The following RAPGEF1 variants were observed in gnomAD, a reference collection of about 807,000 sequenced individuals.
RAPGEF1 encodes Rap guanine nucleotide exchange factor 1, also known as CRK SH3-binding GNRP.
In RAPGEF1, 33 loss-of-function variants were observed where a neutral mutation model predicts 143.3. The observed-to-expected ratio is 0.23, with a 90% CI of 0.17 to 0.31. RAPGEF1 has a LOEUF of 0.31. RAPGEF1 is among the 10% of genes least tolerant of loss of function. The pLI is 1.00. For synonymous variants in RAPGEF1, 629 were observed against 676.5 expected, an observed-to-expected ratio of 0.93 and a Z score of 1.09; for missense variants, 1,199 against 1,645.4, an observed-to-expected ratio of 0.73 and a Z score of 4.69.
chr9:131,651,025 A>G, intron 1 of RAPGEF1, 76 bp from the exon 2 acceptor site: 3 of 1,519,630 alleles, frequency 2.0e-6, no homozygotes, highest in Non-Finnish European at 2.7e-6. Flanking sequence ...TGTGGAAATG[A>G]GCAATGTCCC....
Position 131,576,784 on chromosome 9 carries a change from T to C in RAPGEF1, c.*2713A>G, listed in dbSNP as rs921426684. 2.6e-5 allele frequency: 4 copies of C among 152,200 alleles called. No homozygotes were observed. The highest frequency in any genetic ancestry group is 5.9e-5 in the Non-Finnish European group (4 of 68,024). 9.4% of individuals were successfully genotyped at this position (152,200 alleles called of 1,614,324 possible). On this transcript the variant is annotated 3_prime_UTR_variant, in exon 27 of 27. Transcript: ENST00000683357. ...GGGCGCGGACATGGCATTGGGCAGCTTTCATCTGTGTTTATTTTTTTTCAT... is the reference window on the plus strand; with the variant it reads ...GGGCGCGGACATGGCATTGGGCAGCCTTCATCTGTGTTTATTTTTTTTCAT...
intron 26 of RAPGEF1, 114 bp from the exon 27 acceptor site, chr9:131,579,761 G>A (rs1951573090): frequency 3.6e-5 from 41 of 1,131,876 alleles, no homozygotes; most frequent in Non-Finnish European, 4.9e-5. Context: ...CGCAGCAAAC[G>A]GATGCTGCAG....
intron 1 of RAPGEF1, among the ~76,000 whole-genome samples, chr9:131,657,970 G>GTGTA (rs1223438799): frequency 2.6e-5 from 4 of 152,220 alleles, no homozygotes; most frequent in Admixed American, 6.5e-5. Flanking sequence ...GCATGCTGGG[G>GTGTA]TGTATCAGTG....
At chr9:131,725,595 A>C (rs1836602638) in intron 1 of RAPGEF1, 2 of 152,294 alleles carry the variant, frequency 1.3e-5, no homozygotes, top group Non-Finnish European at 2.9e-5. Context: ...AGTAGCTGGG[A>C]CTACAGGCAC....
intron 18 of RAPGEF1, among the ~76,000 whole-genome samples, chr9:131,591,240 G>A (rs1361497340): frequency 6.6e-6 from 1 of 152,252 alleles, no homozygotes. Flanking sequence ...GAGGCCAGGA[G>A]GTCTGCAGGA....
intron 1 of RAPGEF1, among the ~76,000 whole-genome samples, chr9:131,679,174 G>A (rs767699027): frequency 1.3e-5 from 2 of 148,330 alleles, no homozygotes; most frequent in East Asian, 2.1e-4. Context: ...CAAGGGGGGG[G>A]CCACAAGCAG....
intron 10 of RAPGEF1, among the ~76,000 whole-genome samples, chr9:131,623,876 G>A (rs1380381623): frequency 6.6e-6 from 1 of 152,214 alleles, no homozygotes; most frequent in Non-Finnish European, 1.5e-5. Context: ...ACGCGGCCAG[G>A]GTGATGATTC....
chr9:131,662,407 G>T (rs1294958880), intron 1 of RAPGEF1, among the ~76,000 whole-genome samples: 1 of 152,086 alleles, frequency 6.6e-6, no homozygotes, highest in African/African-American at 2.4e-5. Context: ...TTGAGACAGG[G>T]TCTTGCTCTG....
Position 131,739,779 on chromosome 9 carries a change from C to T in RAPGEF1, c.52G>A (p.Glu18Lys). ...RRSPEMSGKIEKADSQRSHLS... is the reference protein window; with the variant it reads ...RRSPEMSGKIKKADSQRSHLS... ...CACGCCCGCGCCTCACCTGCTTTCT[C>T]GATCTTGCCGGACATTTCCGGGCTG... Residue 18 changes from glutamate to lysine, a missense_variant, in exon 1 of 27, where the codon GAG becomes AAG. Transcript: ENST00000683357. The T allele has an allele frequency of 1.7e-6, 2 of 1,174,544 alleles. No homozygotes were observed. Among genetic ancestry groups the T allele is most frequent in the Non-Finnish European group, 1.1e-6 (1 of 932,568 alleles). 72.8% of individuals were successfully genotyped at this position (1,174,544 alleles called of 1,614,324 possible).
At chr9:131,712,084 T>A (rs934793627) in intron 1 of RAPGEF1, among the ~76,000 whole-genome samples, 1 of 152,124 alleles carries the variant, frequency 6.6e-6, no homozygotes, top group South Asian at 2.1e-4. Context: ...GCAAAGCAAA[T>A]GGCATGTGTC....
chr9:131,604,081 C>A (rs932675121), intron 13 of RAPGEF1, 28 bp from the exon 14 acceptor site: 2 of 1,284,036 alleles, frequency 1.6e-6, no homozygotes, highest in African/African-American at 3.0e-5. Context: ...AGAGGAAAGA[C>A]ACATGGGCCA....
chr9:131,724,348 C>A (rs1230237169), intron 1 of RAPGEF1, among the ~76,000 whole-genome samples: 4 of 152,204 alleles, frequency 2.6e-5, no homozygotes, highest in Non-Finnish European at 5.9e-5. Context: ...GTAATCCCAG[C>A]ACTTTGGGAG....
chr9:131,586,197 AAC>A (rs1168171289), intron 22 of RAPGEF1, among the ~76,000 whole-genome samples: 1 of 146,030 alleles, frequency 6.8e-6, no homozygotes, highest in African/African-American at 2.6e-5. Context: ...CTCCGTCTCA[AAC>A]ACACACACAC....
rs188420690 is a variant in RAPGEF1 at position 131,669,950 on chromosome 9, A to G, written c.62-19001T>C. 1.1e-4 allele frequency among the ~76,000 whole-genome samples: 17 copies of G among 152,348 alleles called. No homozygotes were observed. In the East Asian group the frequency reaches 3.3e-3, roughly 29 times the overall value. ...TGCCCACGTGGAGCTGGCAGCGATGACAATGGCTACACAGCAATGACTAGG... is the reference window on the plus strand; with the variant it reads ...TGCCCACGTGGAGCTGGCAGCGATGGCAATGGCTACACAGCAATGACTAGG... On this transcript the variant is annotated intron_variant, in intron 1 of 26. Coordinates refer to ENST00000683357, the MANE Select transcript of RAPGEF1 (RefSeq NM_001377935.1).
intron 1 of RAPGEF1, among the ~76,000 whole-genome samples, chr9:131,690,336 A>G (rs1341233469): frequency 1.3e-5 from 2 of 152,242 alleles, no homozygotes; most frequent in African/African-American, 4.8e-5. Flanking sequence ...AAAGAGAAAC[A>G]TTAGAGGACA....
At chr9:131,738,143 T>C (rs1053691650) in intron 1 of RAPGEF1, among the ~76,000 whole-genome samples, 3 of 151,966 alleles carry the variant, frequency 2.0e-5, no homozygotes, top group Non-Finnish European at 2.9e-5. Context: ...CGGTTCATTT[T>C]ACTTTTCTGT....
Position 131,587,884 on chromosome 9 carries a change from G to C in RAPGEF1, c.3139-54C>G, listed in dbSNP as rs1014157185. The C allele has an allele frequency of 1.1e-5, 18 of 1,598,686 alleles. No homozygotes were observed. In the African/African-American group the frequency reaches 2.3e-4, roughly 20 times the overall value. The stretch of plus-strand genomic sequence containing the variant: ...TGGAGCCCCGGCTTTCCCCTGATGG[G>C]GGTTTCTCTCATTCAGGGACAAACA... On this transcript the variant is annotated intron_variant, in intron 21 of 26. Coordinates refer to ENST00000683357, the MANE Select transcript of RAPGEF1 (RefSeq NM_001377935.1).
At chr9:131,715,848 A>G (rs928192329) in intron 1 of RAPGEF1, among the ~76,000 whole-genome samples, 1 of 142,986 alleles carries the variant, frequency 7.0e-6, no homozygotes, top group East Asian at 2.1e-4. Context: ...CTGGTGACAG[A>G]GCGAGACTCC....
intron 3 of RAPGEF1, among the ~76,000 whole-genome samples, chr9:131,644,507 A>G (rs1020285288): frequency 6.6e-6 from 1 of 152,226 alleles, no homozygotes; most frequent in Non-Finnish European, 1.5e-5. Context: ...GTATGAGGCA[A>G]ACAGCCACCT....
Sources: gnomAD v4.1 joint callset for allele counts (sites outside exome capture counted in the v4.1 genomes callset) on GRCh38, gnomAD v4.1.1 for gene constraint, MANE v1.5 for transcripts, NCBI Gene and HGNC (gene_info 2026-07-23, HGNC 2026-07-21) for gene names.